Variants in IQGAP1 observed in about 807,000 individuals in gnomAD.
IQGAP1 encodes ras GTPase-activating-like protein IQGAP1.
IQGAP1 carries 66 observed loss-of-function variants against 215.6 expected under a neutral mutation model. That is an observed-to-expected ratio of 0.31 (90% confidence interval 0.25 to 0.38). The LOEUF is 0.38. IQGAP1 is among the 10% of genes least tolerant of loss of function. The probability of loss-of-function intolerance (pLI) is 1.00; values close to 1 mark genes in which losing one functional copy is unlikely to be tolerated. For synonymous variants in IQGAP1, 772 were observed against 728.7 expected, an observed-to-expected ratio of 1.06 and a Z score of -0.96; for missense variants, 1,712 against 1,997.1, an observed-to-expected ratio of 0.86 and a Z score of 2.72.
At chr15:90,414,610 G>C (rs993704861) in intron 2 of IQGAP1, among the ~76,000 whole-genome samples, 1 of 152,052 alleles carries the variant, frequency 6.6e-6, no homozygotes, top group Non-Finnish European at 1.5e-5. Flanking sequence ...TTCTTAACTT[G>C]ATCACAGACG....
At chr15:90,488,285 A>G (rs1966157753) in intron 33 of IQGAP1, among the ~76,000 whole-genome samples, 1 of 150,902 alleles carries the variant, frequency 6.6e-6, no homozygotes, top group Non-Finnish European at 1.5e-5. Flanking sequence ...ATTTGCATAT[A>G]CTTACGTTCT....
intron 14 of IQGAP1, among the ~76,000 whole-genome samples, chr15:90,455,177 A>G (rs1012599351): frequency 2.0e-5 from 3 of 152,214 alleles, no homozygotes; most frequent in African/African-American, 7.2e-5. Context: ...ATCACCAACC[A>G]GGGAAACACA....
chr15:90,426,333 T>C (rs2151013955), intron 3 of IQGAP1, 67 bp downstream of exon 3: 1 of 1,524,040 alleles, frequency 6.6e-7, no homozygotes, highest in Admixed American at 2.2e-5. Flanking sequence ...TTTTATTTTG[T>C]GTAAGAGTTA....
chr15:90,497,374 T>C (rs1357933435), intron 37 of IQGAP1, 34 bp downstream of exon 37: 2 of 1,028,076 alleles, frequency 1.9e-6, no homozygotes, highest in African/African-American at 1.6e-5. Context: ...AAAAACTTTC[T>C]GGATGAGATT....
intron 15 of IQGAP1, among the ~76,000 whole-genome samples, chr15:90,459,549 T>C (rs1301735070): frequency 1.3e-5 from 2 of 152,196 alleles, no homozygotes; most frequent in Admixed American, 6.5e-5. Flanking sequence ...GTTTGAAGCA[T>C]TTCCTTTGCT....
rs765296182 is a variant in IQGAP1, at chr15:90,473,772, C to T, written c.2407C>T (p.Arg803Cys). 19 of 1,611,678 alleles carry T rather than the reference C, an allele frequency of 1.2e-5. No homozygotes were observed. The highest frequency in any genetic ancestry group is 6.7e-5 in the East Asian group (3 of 44,780). Residue 803 changes from arginine to cysteine, a missense_variant, in exon 20 of 38, where the codon CGC becomes TGC. By Grantham distance (180) the Arg-to-Cys change is radical. This residue lies in a region of IQGAP1 where 1,021 missense variants were observed against 1,074.2 expected (regional missense o/e 0.95). Coordinates refer to ENST00000268182, the MANE Select transcript of IQGAP1 (RefSeq NM_003870.4). ...KAYQDRLAYLRSHKDEVVKIQ... is the reference protein window; with the variant it reads ...KAYQDRLAYLCSHKDEVVKIQ... The stretch of plus-strand genomic sequence containing the variant: ...ATATCAAGATCGGTTAGCTTACCTG[C>T]GCTCCCACAAAGATGAAGTTGTAAA...
chr15:90,404,482 T>C (rs1377350150), intron 2 of IQGAP1, among the ~76,000 whole-genome samples: 1 of 152,218 alleles, frequency 6.6e-6, no homozygotes, highest in Non-Finnish European at 1.5e-5. Flanking sequence ...AATCCTTTGC[T>C]CATTTTTCTA....
chr15:90,390,147 A>C (rs776395908), intron 1 of IQGAP1, among the ~76,000 whole-genome samples: 8 of 152,166 alleles, frequency 5.3e-5, no homozygotes, highest in Non-Finnish European at 1.2e-4. Flanking sequence ...AAAGGCCTTG[A>C]ATGCCTTCCC....
intron 2 of IQGAP1, chr15:90,392,015 C>G (rs976631778): frequency 6.6e-6 from 1 of 152,184 alleles, no homozygotes; most frequent in African/African-American, 2.4e-5. Flanking sequence ...CAACAAACAT[C>G]ATTGTATTCC....
intron 2 of IQGAP1, among the ~76,000 whole-genome samples, chr15:90,423,026 CAAAG>C (rs1469867805): frequency 1.3e-5 from 2 of 151,712 alleles, no homozygotes; most frequent in Admixed American, 6.6e-5. Context: ...TAAAAACAAA[CAAAG>C]GGATTTTCCC....
chr15:90,404,597 T>G (rs564912221), intron 2 of IQGAP1, among the ~76,000 whole-genome samples: 12 of 152,204 alleles, frequency 7.9e-5, no homozygotes, highest in African/African-American at 2.9e-4. Context: ...CATTCCACTT[T>G]GTCCTTTAAT....
intron 2 of IQGAP1, among the ~76,000 whole-genome samples, chr15:90,408,082 AGG>A (rs1964905795): frequency 2.0e-5 from 3 of 152,356 alleles, no homozygotes; most frequent in South Asian, 4.1e-4. Context: ...TTCCCTTTCA[AGG>A]GAAAGCATAA....
rs777272899 is a variant in IQGAP1, at chr15:90,452,853, C to A, written c.1241C>A (p.Pro414His). The A allele has an allele frequency of 2.2e-5, 35 of 1,613,930 alleles. No homozygotes were observed. The highest frequency in any genetic ancestry group is 2.8e-5 in the Non-Finnish European group (33 of 1,179,998). ...AEKTVLELMN[P>H]EAQLPQVYPF... ...AAGACTGTTTTGGAACTGATGAATCCCGAAGCCCAGCTGCCCCAGGTGTAT... is the reference window on the plus strand; with the variant it reads ...AAGACTGTTTTGGAACTGATGAATCACGAAGCCCAGCTGCCCCAGGTGTAT... Residue 414 changes from proline (P) to histidine (H), a missense_variant, in exon 12 of 38, where the codon CCC becomes CAC. By Grantham distance (77) the Pro-to-His change is moderately conservative. Transcript: ENST00000268182.
At chr15:90,482,321 A>G in intron 28 of IQGAP1, 40 bp downstream of exon 28, 2 of 1,593,948 alleles carry the variant, frequency 1.3e-6, no homozygotes, top group Non-Finnish European at 8.6e-7. Flanking sequence ...CCCTTTGAGG[A>G]CAAAGCAATA....
In IQGAP1 at chr15:90,473,705, A is replaced by ACTT. The variant is rs1352771004; in HGVS notation, c.2350-8_2350-7insTCT. 1 of 1,593,464 alleles carries ACTT rather than the reference A, an allele frequency of 6.3e-7. No homozygotes were observed. Among genetic ancestry groups the ACTT allele is most frequent in the Non-Finnish European group, 8.6e-7 (1 of 1,163,696 alleles). On this transcript the variant is annotated splice_polypyrimidine_tract_variant and intron_variant, in intron 19 of 37. Transcript: ENST00000268182. ...AGTAATATGTCTTCTGTAACATTTG[A>ACTT]CTGTTTCAGTCACAGTGGAGAGGAT...
At chr15:90,418,884 C>T (rs80156546) in intron 2 of IQGAP1, among the ~76,000 whole-genome samples, 57 of 151,746 alleles carry the variant, frequency 3.8e-4, no homozygotes, top group South Asian at 1.3e-3. Context: ...TCGTGGCTCA[C>T]GCCTGTAATC....
intron 37 of IQGAP1, among the ~76,000 whole-genome samples, chr15:90,499,566 A>G (rs1440921656): frequency 6.6e-6 from 1 of 152,204 alleles, no homozygotes; most frequent in Admixed American, 6.5e-5. Context: ...TGCTTAGTAT[A>G]TTTCATCATA....
At chr15:90,456,483 A>T (rs8033813) in intron 15 of IQGAP1, among the ~76,000 whole-genome samples, 168 bp downstream of exon 15, 87,840 of 151,972 alleles carry the variant, frequency 0.58, 27,251 homozygotes, top group East Asian at 0.83. Flanking sequence ...GGCTCCACCT[A>T]CTAGGAGCTC....
In IQGAP1 at chr15:90,436,490, T is replaced by C. The variant is rs145323686; in HGVS notation, c.467+2695T>C. Among the ~76,000 whole-genome samples, 327 of 152,368 alleles carry C rather than the reference T, an allele frequency of 2.1e-3. 8 individuals are homozygous for C. Among genetic ancestry groups the C allele is most frequent in the Admixed American group, 0.02 (309 of 15,300 alleles). Reference sequence around the variant, plus strand: ...GGGTCTTTATTAATAATCTTTGAGATTGGCATAGTGACTTCTAGGTTACTC... The same window carrying C: ...GGGTCTTTATTAATAATCTTTGAGACTGGCATAGTGACTTCTAGGTTACTC... On this transcript the variant is annotated intron_variant, in intron 5 of 37. Coordinates refer to ENST00000268182, the MANE Select transcript of IQGAP1 (RefSeq NM_003870.4).
Sources: gnomAD v4.1 joint callset for allele counts (sites outside exome capture counted in the v4.1 genomes callset) on GRCh38, gnomAD v4.1.1 for gene constraint, gnomAD v4.1.1 regional missense constraint, MANE v1.5 for transcripts, NCBI Gene and HGNC (gene_info 2026-07-23, HGNC 2026-07-21) for gene names.